IRS2: variants seen among roughly 807,000 people sequenced by gnomAD.
IRS2 encodes insulin receptor substrate 2.
Under a neutral mutation model 70.9 loss-of-function variants are expected in IRS2, and 28 were observed. The ratio of observed to expected loss-of-function variants is 0.39; its 90% CI spans 0.29 to 0.54. The LOEUF (loss-of-function observed/expected upper bound fraction) is 0.54, where lower values mean the gene tolerates loss of function less well. Ranked by LOEUF, IRS2 falls within the 20% of genes least tolerant of loss-of-function variation. IRS2 has a pLI of 0.59. For missense variants in IRS2, 2,081 were observed against 2,024.1 expected, an observed-to-expected ratio of 1.03 and a Z score of -0.54; for synonymous variants, 1,217 against 981.9, an observed-to-expected ratio of 1.24 and a Z score of -4.48.
rs766869697 is a variant in IRS2, at chr13:109,785,735, C to A, written c.319G>T (p.Ala107Ser). 20 of 1,597,892 alleles carry A rather than the reference C, an allele frequency of 1.3e-5. No individual in the cohort carries two copies. The highest frequency in any genetic ancestry group is 1.7e-5 in the Non-Finnish European group (20 of 1,177,982). ...CCLNINKRAD[A>S]KHKYLIALYT... Reference sequence around the variant, plus strand: ...AGGGCGATCAGGTACTTGTGCTTGGCGTCGGCGCGCTTGTTGATGTTCAGG... The same window carrying A: ...AGGGCGATCAGGTACTTGTGCTTGGAGTCGGCGCGCTTGTTGATGTTCAGG... The change falls in exon 1 of 2, where the codon GCC (alanine) becomes TCC (serine). Residue 107 changes from alanine to serine, a missense_variant. Transcript: ENST00000375856. The surrounding 1 kb of genome is among the most constrained non-coding windows in gnomAD (Gnocchi z 9.3).
rs1204168900 is a variant in IRS2, at chr13:109,784,432, C to A, written c.1622G>T (p.Gly541Val). 2 of 1,596,476 alleles carry A rather than the reference C, an allele frequency of 1.3e-6. No individual in the cohort carries two copies. Among genetic ancestry groups the A allele is most frequent in the African/African-American group, 2.7e-5 (2 of 74,470 alleles). Reference protein sequence around the residue: ...RDGGGGGEFYGYMTMDRPLSH... With the variant: ...RDGGGGGEFYVYMTMDRPLSH... ...CAGGGGCCTGTCCATGGTCATGTACCCGTAGAACTCACCGCCGCCGCCGCC... is the reference window on the plus strand; with the variant it reads ...CAGGGGCCTGTCCATGGTCATGTACACGTAGAACTCACCGCCGCCGCCGCC... The change falls in exon 1 of 2, where the codon GGG becomes GTG. Residue 541 changes from glycine to valine, a missense_variant. Transcript: ENST00000375856. This position sits in a 1 kb window ranked among gnomAD's most constrained non-coding sequence, Gnocchi z 5.2.
chr13:109,768,469 T>C (rs2138917790), intron 1 of IRS2, among the ~76,000 whole-genome samples: 1 of 152,358 alleles, frequency 6.6e-6, no homozygotes, highest in East Asian at 1.9e-4. Context: ...CCTTGGCTCT[T>C]TCCTGTGAAG....
At chr13:109,775,906 T>C (rs1312883444) in intron 1 of IRS2, among the ~76,000 whole-genome samples, 1 of 152,002 alleles carries the variant, frequency 6.6e-6, no homozygotes, top group Non-Finnish European at 1.5e-5. Context: ...TCCCAGCACT[T>C]TGAGAGGCTG....
chr13:109,763,900 A>G (rs1034869109), intron 1 of IRS2, among the ~76,000 whole-genome samples: 28 of 152,284 alleles, frequency 1.8e-4, no homozygotes, highest in African/African-American at 6.3e-4. Context: ...TTTCAACTGG[A>G]CCTTTTTTCT....
chr13:109,765,067 C>T lies in IRS2; in HGVS notation c.4013-8759G>A, dbSNP rs150680301. ...AACATGAATCCCTTGCCACGTCACACATGCCAAGCACACACAATGCATCAT... is the reference window on the plus strand; with the variant it reads ...AACATGAATCCCTTGCCACGTCACATATGCCAAGCACACACAATGCATCAT... On this transcript the variant is annotated intron_variant, in intron 1 of 1. Transcript: ENST00000375856. 6.6e-5 allele frequency among the ~76,000 whole-genome samples: 10 copies of T among 152,274 alleles called. No individual in the cohort carries two copies. In the East Asian group the frequency reaches 1.6e-3, roughly 24 times the overall value.
At chr13:109,764,893 A>T (rs1877302783) in intron 1 of IRS2, among the ~76,000 whole-genome samples, 1 of 152,272 alleles carries the variant, frequency 6.6e-6, no homozygotes, top group Non-Finnish European at 1.5e-5. Flanking sequence ...GTGGAACAGA[A>T]GTAGAATTGT....
rs946536275 is a variant in IRS2 at position 109,783,578 on chromosome 13, T to G, written c.2476A>C (p.Met826Leu). The change falls in exon 1 of 2, where the codon ATG (methionine) becomes CTG (leucine). Residue 826 changes from methionine to leucine, a missense_variant. By Grantham distance (15) the Met-to-Leu change is conservative. Coordinates refer to ENST00000375856, the MANE Select transcript of IRS2 (RefSeq NM_003749.3). ...CGGDSDQYVL[M>L]SSPVGRILEE... ...AGGATGCGCCCCACGGGGGAGCTCA[T>G]GAGCACGTACTGGTCGCTGTCCCCG... The G allele has an allele frequency of 6.5e-7, 1 of 1,548,876 alleles. No individual in the cohort carries two copies. Among genetic ancestry groups the G allele is most frequent in the Non-Finnish European group, 8.7e-7 (1 of 1,145,990 alleles).
intron 1 of IRS2, among the ~76,000 whole-genome samples, chr13:109,769,161 T>C (rs1363693433): frequency 2.0e-5 from 3 of 152,194 alleles, no homozygotes; most frequent in African/African-American, 7.2e-5. Context: ...TTATATACTT[T>C]TGAGGAAGAA....
Position 109,785,492 on chromosome 13 carries a change from C to T in IRS2, c.562G>A (p.Ala188Thr), listed in dbSNP as rs769428691. 1.2e-6 allele frequency: 2 copies of T among 1,611,252 alleles called. No homozygotes were observed. Among genetic ancestry groups the T allele is most frequent in the African/African-American group, 1.3e-5 (1 of 74,880 alleles). Residue 188 changes from alanine to threonine, a missense_variant, in exon 1 of 2, where the codon GCT becomes ACT. Transcript: ENST00000375856. This position sits in a 1 kb window ranked among gnomAD's most constrained non-coding sequence, Gnocchi z 9.3. ...AGAEDSYGLVAPATAAYREVW... is the reference protein window; with the variant it reads ...AGAEDSYGLVTPATAAYREVW... ...TCACGGTAGGCGGCCGTGGCGGGAG[C>T]CACCAGCCCGTAGCTGTCCTCGGCC...
Position 109,782,598 on chromosome 13 carries a change from G to A in IRS2, c.3456C>T (p.Phe1152=), listed in dbSNP as rs774154869. The part of the protein sequence containing the change: ...GGRRRHSSET[F]SSTTTVTPVS... Reference sequence around the variant, plus strand: ...CGGGGGTGACCGTCGTGGTGGAGGAGAAGGTCTCGGAACTGTGGCGGCGGC... The same window carrying A: ...CGGGGGTGACCGTCGTGGTGGAGGAAAAGGTCTCGGAACTGTGGCGGCGGC... The change falls in exon 1 of 2, where the codon TTC becomes TTT. Residue 1152 remains phenylalanine, a synonymous_variant. Coordinates refer to ENST00000375856, the MANE Select transcript of IRS2 (RefSeq NM_003749.3). The A allele has an allele frequency of 3.8e-6, 6 of 1,578,250 alleles. No homozygotes were observed. The African/African-American group carries it at 4.0e-5, about 11-fold the overall frequency.
At chr13:109,781,102 A>T (rs2138927684) in intron 1 of IRS2, among the ~76,000 whole-genome samples, 1 of 152,316 alleles carries the variant, frequency 6.6e-6, no homozygotes, top group Non-Finnish European at 1.5e-5. Flanking sequence ...GACAACTCTG[A>T]AAAATGTCCG....
chr13:109,776,270 C>A (rs540632876), intron 1 of IRS2, among the ~76,000 whole-genome samples: 1 of 152,100 alleles, frequency 6.6e-6, no homozygotes, highest in Non-Finnish European at 1.5e-5. Context: ...AGTAAAAACA[C>A]AGTAAGCAAG....
Position 109,786,347 on chromosome 13 carries a change from C to G in IRS2, c.-294G>C, listed in dbSNP as rs1877927756. The G allele has an allele frequency of 6.8e-6, 1 of 146,992 alleles. No homozygotes were observed. The highest frequency in any genetic ancestry group is 1.5e-5 in the Non-Finnish European group (1 of 65,992). The allele number at this position is 146,992 out of a possible 1,614,324, so 9.1% of individuals were successfully genotyped here. Reference sequence around the variant, plus strand: ...GCTGCCTCCTCGGGCTCTCGGGCGGCGCCGGGGGACGCGCTCGCTGGGCCG... The same window carrying G: ...GCTGCCTCCTCGGGCTCTCGGGCGGGGCCGGGGGACGCGCTCGCTGGGCCG... On this transcript the variant is annotated 5_prime_UTR_variant, in exon 1 of 2. Transcript: ENST00000375856. The surrounding 1 kb of genome is among the most constrained non-coding windows in gnomAD (Gnocchi z 4.4).
In IRS2 at chr13:109,782,243, G is replaced by A. The variant is rs1260095842; in HGVS notation, c.3811C>T (p.Pro1271Ser). Residue 1271 changes from proline (P) to serine (S), a missense_variant, in exon 1 of 2, where the codon CCG becomes TCG. Pro to Ser is a moderately conservative substitution (Grantham distance 74). This residue lies in a region of IRS2 where 1,615 missense variants were observed against 1,459.5 expected (regional missense o/e 1.11). Coordinates refer to ENST00000375856, the MANE Select transcript of IRS2 (RefSeq NM_003749.3). ...CCCGGCTGAGGAAGCGGCGGCGGCG[G>A]CGGCTGCGGCTGGGGTGGCAGCCCG... is the stretch of plus-strand genomic sequence containing the variant. ...EPGLPPQPQP[P>S]PPPLPQPGDK... The A allele has an allele frequency of 6.2e-7, 1 of 1,607,766 alleles. No homozygotes were observed. Among genetic ancestry groups the A allele is most frequent in the Non-Finnish European group, 8.5e-7 (1 of 1,177,732 alleles).
chr13:109,778,837 C>T (rs1877635288), intron 1 of IRS2, among the ~76,000 whole-genome samples: 1 of 152,080 alleles, frequency 6.6e-6, no homozygotes, highest in African/African-American at 2.4e-5. Context: ...AAAAGGAATA[C>T]TAAAACAGCA....
In IRS2 at chr13:109,783,490, C is replaced by T. The variant is rs1007557329; in HGVS notation, c.2564G>A (p.Gly855Glu). 2.2e-5 allele frequency: 34 copies of T among 1,545,016 alleles called. No homozygotes were observed. The highest frequency in any genetic ancestry group is 3.9e-5 in the Admixed American group (2 of 50,952). Residue 855 changes from glycine to glutamate, a missense_variant, in exon 1 of 2, where the codon GGG becomes GAG. By Grantham distance (98) the Gly-to-Glu change is moderately conservative (BLOSUM62 -2). This residue lies in a region of IRS2 where 1,615 missense variants were observed against 1,459.5 expected (regional missense o/e 1.11). Transcript: ENST00000375856. ...GTGAGGGGGCTGCGTGGGGCCGGCC[C>T]CGAAGGCGCTGGCCGCCTGGCTGGG... ...PGPSQAASAFGAGPTQPPHPV... is the reference protein window; with the variant it reads ...PGPSQAASAFEAGPTQPPHPV...
At chr13:109,780,786 T>C (rs1877678072) in intron 1 of IRS2, among the ~76,000 whole-genome samples, 1 of 148,566 alleles carries the variant, frequency 6.7e-6, no homozygotes, top group Non-Finnish European at 1.5e-5. Context: ...ACAAAGCCTC[T>C]ATCCTGCTAG....
chr13:109,783,538 A>C lies in IRS2; in HGVS notation c.2516T>G (p.Leu839Arg). 3 of 1,549,396 alleles carry C rather than the reference A, an allele frequency of 1.9e-6. No homozygotes were observed. Among genetic ancestry groups the C allele is most frequent in the Non-Finnish European group, 1.7e-6 (2 of 1,146,752 alleles). Residue 839 changes from leucine (L) to arginine (R), a missense_variant, in exon 1 of 2, where the codon CTG (leucine) becomes CGG (arginine). Physicochemically the swap from Leu to Arg is moderately radical, Grantham distance 102. Transcript: ENST00000375856. ...PVGRILEEER[L>R]EPQATPGPSQ... ...GGGCCCTGGCGTGGCCTGAGGCTCC[A>C]GACGCTCCTCCTCCAGGATGCGCCC...
At chr13:109,768,502 G>A (rs1877383703) in intron 1 of IRS2, among the ~76,000 whole-genome samples, 1 of 152,132 alleles carries the variant, frequency 6.6e-6, no homozygotes, top group Non-Finnish European at 1.5e-5. Context: ...TGAAACAAAT[G>A]GAATAATACA....
Sources: gnomAD v4.1 joint callset for allele counts (sites outside exome capture counted in the v4.1 genomes callset) on GRCh38, gnomAD v4.1.1 for gene constraint, gnomAD v4.1.1 regional missense constraint, Gnocchi (gnomAD v3.1) non-coding constraint, MANE v1.5 for transcripts, NCBI Gene and HGNC (gene_info 2026-07-23, HGNC 2026-07-21) for gene names.